Variants in RRAS observed in about 807,000 individuals in gnomAD.
RRAS encodes RAS related.
A neutral mutation model predicts 23.3 loss-of-function variants in RRAS; 18 were observed. The observed-to-expected ratio is 0.77, with a 90% CI of 0.53 to 1.15. RRAS has a LOEUF of 1.15. Ranked by LOEUF, RRAS falls within the 50% of genes most tolerant of loss-of-function variation. The probability of loss-of-function intolerance (pLI) is 0.00; values close to 1 mark genes in which losing one functional copy is unlikely to be tolerated. For missense variants in RRAS, 291 were observed against 317.1 expected (o/e 0.92, Z 0.62); for synonymous variants, 133 against 138.3 (o/e 0.96, Z 0.27).
intron 1 of RRAS, among the ~76,000 whole-genome samples, chr19:49,639,550 T>G (rs1198671135): frequency 6.6e-6 from 1 of 151,646 alleles, no homozygotes; most frequent in Non-Finnish European, 1.5e-5. Context: ...AGTTGGGGAC[T>G]GGGATTTGGG....
At chr19:49,639,032 C>T (rs1167503941) in intron 1 of RRAS, among the ~76,000 whole-genome samples, 1 of 151,834 alleles carries the variant, frequency 6.6e-6, no homozygotes, top group African/African-American at 2.4e-5. Context: ...AATCTCGGGT[C>T]GGAGAGCAGG....
Position 49,639,975 on chromosome 19 carries a change from T to G in RRAS, c.124A>C (p.Lys42Gln). 2 of 1,590,394 alleles carry G rather than the reference T, an allele frequency of 1.3e-6. No homozygotes were observed. The highest frequency in any genetic ancestry group is 1.7e-6 in the Non-Finnish European group (2 of 1,174,372). ...LVVVGGGGVGKSALTIQFIQS... is the reference protein window; with the variant it reads ...LVVVGGGGVGQSALTIQFIQS... The stretch of plus-strand genomic sequence containing the variant: ...ATGAACTGGATGGTCAGCGCGCTCT[T>G]GCCCACGCCGCCGCCGCCCACGACC... The change falls in exon 1 of 6, where the codon AAG becomes CAG. Residue 42 changes from lysine to glutamine, a missense_variant. Physicochemically the swap from Lys to Gln is moderately conservative, Grantham distance 53. Coordinates refer to ENST00000246792, the MANE Select transcript of RRAS (RefSeq NM_006270.5).
chr19:49,640,031 T>C lies in RRAS; in HGVS notation c.68A>G (p.Asp23Gly), dbSNP rs1245401713. Residue 23 changes from aspartate (D) to glycine (G), a missense_variant, in exon 1 of 6, where the codon GAC becomes GGC. Transcript: ENST00000246792. ...CTTGTGTGTCTCGCTGGGCGGGGGG[T>C]CCCCGGGCCCAGGTCCCCCGCCCCG... is the stretch of plus-strand genomic sequence containing the variant. ...RPRGGGPGPG[D>G]PPPSETHKLV... The C allele has an allele frequency of 1.3e-6, 2 of 1,541,370 alleles. No individual in the cohort carries two copies. The highest frequency in any genetic ancestry group is 2.8e-5 in the African/African-American group (2 of 70,490).
intron 1 of RRAS, among the ~76,000 whole-genome samples, chr19:49,638,653 G>A (rs957762917): frequency 1.6e-4 from 24 of 152,174 alleles, no homozygotes; most frequent in African/African-American, 5.1e-4. Context: ...AGAGCACAGC[G>A]TGAGAAGCTC....
At chr19:49,637,011 C>T (rs767436247) in intron 2 of RRAS, 32 bp downstream of exon 2, 40 of 1,609,550 alleles carry the variant, frequency 2.5e-5, no homozygotes, top group Non-Finnish European at 2.8e-5. Context: ...CTGACACCAC[C>T]CCCATCCATC....
chr19:49,637,751 C>T (rs1013429530), intron 1 of RRAS, among the ~76,000 whole-genome samples: 1 of 151,238 alleles, frequency 6.6e-6, no homozygotes, highest in Non-Finnish European at 1.5e-5. Flanking sequence ...TGGGTAGCTG[C>T]TCCCCTGCCC....
intron 1 of RRAS, among the ~76,000 whole-genome samples, chr19:49,639,564 G>A (rs935285160): frequency 3.9e-5 from 6 of 152,086 alleles, no homozygotes; most frequent in African/African-American, 1.4e-4. Flanking sequence ...ATTTGGGGGA[G>A]ATAGGGCTCA....
At position 49,640,128 on chromosome 19, in the gene RRAS, C is replaced by T. The variant is rs145619503; in HGVS notation, c.-30G>A. 4.0e-5 allele frequency: 55 copies of T among 1,361,616 alleles called. No individual in the cohort carries two copies. The highest frequency in any genetic ancestry group is 5.5e-4 in the Middle Eastern group (2 of 3,654). The allele number at this position is 1,361,616 out of a possible 1,614,324, so 84.3% of individuals were successfully genotyped here. On this transcript the variant is annotated 5_prime_UTR_variant, in exon 1 of 6. Coordinates refer to ENST00000246792, the MANE Select transcript of RRAS (RefSeq NM_006270.5). ...CCACCGCTGCTGCTGCCTTCGCTAC[C>T]GCCTGCGGGGGAGCCGGGCGGGACC...
At chr19:49,637,802 C>A (rs1838312895) in intron 1 of RRAS, among the ~76,000 whole-genome samples, 1 of 133,000 alleles carries the variant, frequency 7.5e-6, no homozygotes, top group Non-Finnish European at 1.6e-5. Context: ...GTCTTCTTCT[C>A]TCTGAGTCAC....
rs199540462 is a variant in RRAS, at chr19:49,635,735, G to C, written c.571C>G (p.Arg191Gly). 88 of 1,569,600 alleles carry C rather than the reference G, an allele frequency of 5.6e-5. No individual in the cohort carries two copies. Among genetic ancestry groups the C allele is most frequent in the Non-Finnish European group, 6.8e-5 (78 of 1,146,746 alleles). Residue 191 changes from arginine to glycine, a missense_variant and splice_region_variant, in exon 5 of 6, where the codon CGG becomes GGG. Transcript: ENST00000246792. ...EAFEQLVRAV[R>G]KYQEQELPPS... ...CGACAGGAAGGGGACTTGGCTCACCGGACAGCCCGCACCAGCTGCTCAAAA... is the reference window on the plus strand; with the variant it reads ...CGACAGGAAGGGGACTTGGCTCACCCGACAGCCCGCACCAGCTGCTCAAAA...
chr19:49,640,092 T>A lies in RRAS; in HGVS notation c.7A>T (p.Ser3Cys), dbSNP rs2081015877. ...CGCCCTGTCCCGGACGCCGCCCCGC[T>A]GCTCATGTCGCCACCGCTGCTGCTG... is the stretch of plus-strand genomic sequence containing the variant. MS[S>C]GAASGTGRGR... The change falls in exon 1 of 6, where the codon AGC (serine) becomes TGC (cysteine). Residue 3 changes from serine (S) to cysteine (C), a missense_variant. Transcript: ENST00000246792. The A allele has an allele frequency of 7.2e-7, 1 of 1,391,990 alleles. No homozygotes were observed. Among genetic ancestry groups the A allele is most frequent in the African/African-American group, 1.5e-5 (1 of 65,172 alleles). 86.2% of individuals were successfully genotyped at this position (1,391,990 alleles called of 1,614,324 possible). A position where few individuals can be genotyped will look rare whatever the true frequency, so the allele number is the denominator to read the frequency against.
chr19:49,636,502 G>A lies in RRAS; in HGVS notation c.453+117C>T. 1.3e-6 allele frequency: 1 copy of A among 791,396 alleles called. No homozygotes were observed. The highest frequency in any genetic ancestry group is 1.4e-5 in the South Asian group (1 of 69,436). The allele number at this position is 791,396 out of a possible 1,614,324, so 49.0% of individuals were successfully genotyped here. Reference sequence around the variant, plus strand: ...GGGGTAACCCATCTAGGTGAGCTGTGTGACAGTGGCAGTCGCAGCACTGCA... The same window carrying A: ...GGGGTAACCCATCTAGGTGAGCTGTATGACAGTGGCAGTCGCAGCACTGCA... On this transcript the variant is annotated intron_variant, in intron 4 of 5. Transcript: ENST00000246792. This position sits in a 1 kb window ranked among gnomAD's most constrained non-coding sequence, Gnocchi z 4.5.
intron 1 of RRAS, among the ~76,000 whole-genome samples, chr19:49,639,699 C>T (rs1375214860): frequency 6.6e-6 from 1 of 151,644 alleles, no homozygotes; most frequent in Non-Finnish European, 1.5e-5. Flanking sequence ...AGCAGGTAAG[C>T]GGGGTCTTAG....
chr19:49,637,119 C>A lies in RRAS; in HGVS notation c.165G>T (p.Val55=). 1 of 1,612,884 alleles carries A rather than the reference C, an allele frequency of 6.2e-7. No homozygotes were observed. Among genetic ancestry groups the A allele is most frequent in the Non-Finnish European group, 8.5e-7 (1 of 1,179,746 alleles). Residue 55 remains valine, a synonymous_variant, in exon 2 of 6, where the codon GTG becomes GTT. Coordinates refer to ENST00000246792, the MANE Select transcript of RRAS (RefSeq NM_006270.5). ...LTIQFIQSYF[V]SDYDPTIEDS... ...CCTCAATAGTGGGGTCGTAGTCAGACACGAAGTAGGACTGGCGGGGTGGGG... is the reference window on the plus strand; with the variant it reads ...CCTCAATAGTGGGGTCGTAGTCAGAAACGAAGTAGGACTGGCGGGGTGGGG...
chr19:49,637,684 C>G, intron 1 of RRAS, among the ~76,000 whole-genome samples: 1 of 151,778 alleles, frequency 6.6e-6, no homozygotes, highest in Non-Finnish European at 1.5e-5. Flanking sequence ...TCTCTGTCCC[C>G]TCTGTCTCTC....
Position 49,637,168 on chromosome 19 carries a change from C to CGGCAG in RRAS, c.154-43_154-39dup, listed in dbSNP as rs755870467. The CGGCAG allele has an allele frequency of 3.8e-4, 571 of 1,512,332 alleles. 3 individuals are homozygous for CGGCAG. Among genetic ancestry groups the CGGCAG allele is most frequent in the Admixed American group, 1.8e-4 (10 of 55,964 alleles). 93.7% of individuals were successfully genotyped at this position (1,512,332 alleles called of 1,614,324 possible). A position where few individuals can be genotyped will look rare whatever the true frequency, so the allele number is the denominator to read the frequency against. On this transcript the variant is annotated intron_variant, in intron 1 of 5. Coordinates refer to ENST00000246792, the MANE Select transcript of RRAS (RefSeq NM_006270.5). ...GGAGAGGATAGTTACTGCAGTGCCC[C>CGGCAG]GGCAGACAGGACGAAGCCCTGCCCT...
Position 49,635,599 on chromosome 19 carries a change from C to T in RRAS, c.634G>A (p.Gly212Ser). The change falls in exon 6 of 6, where the codon GGC becomes AGC. Residue 212 changes from glycine (G) to serine (S), a missense_variant. Physicochemically the swap from Gly to Ser is moderately conservative, Grantham distance 56 (BLOSUM62 0). Transcript: ENST00000246792. ...PPSAPRKKGG[G>S]CPCVLL ...GGCTACAGGAGGACGCAGGGGCAGC[C>T]CCCGCCCTTCTTCCTGGGGGCACTG... 6.9e-7 allele frequency: 1 copy of T among 1,452,420 alleles called. No individual in the cohort carries two copies. The highest frequency in any genetic ancestry group is 9.1e-7 in the Non-Finnish European group (1 of 1,094,594). 90.0% of individuals were successfully genotyped at this position (1,452,420 alleles called of 1,614,324 possible).
intron 1 of RRAS, 87 bp downstream of exon 1, chr19:49,639,859 G>A: frequency 3.3e-6 from 4 of 1,214,138 alleles, no homozygotes; most frequent in Non-Finnish European, 4.6e-6. Context: ...TCAGTGATGG[G>A]TCAAGGGGGA....
chr19:49,636,980 C>T lies in RRAS; in HGVS notation c.242-54G>A. On this transcript the variant is annotated intron_variant, in intron 2 of 5. Transcript: ENST00000246792. This position sits in a 1 kb window ranked among gnomAD's most constrained non-coding sequence, Gnocchi z 4.5. ...GGGGACCAGGCTCCCCGCAGTCACC[C>T]CCAAGAGCCCTCAGCCCCCACTGAC... The T allele has an allele frequency of 6.2e-7, 1 of 1,606,994 alleles. No homozygotes were observed.
Sources: allele counts gnomAD v4.1 joint callset (sites outside exome capture counted in the v4.1 genomes callset), GRCh38; gene constraint gnomAD v4.1.1; non-coding constraint Gnocchi (gnomAD v3.1); transcripts MANE v1.5; gene names NCBI Gene and HGNC (gene_info 2026-07-23, HGNC 2026-07-21).